DNAH7: variants seen among roughly 807,000 people sequenced by gnomAD.
DNAH7 encodes the protein dynein axonemal heavy chain 7, also known as axonemal beta dynein heavy chain 7.
DNAH7 carries 397 observed loss-of-function variants against 444.6 expected under a neutral mutation model. That is an observed-to-expected ratio of 0.89 (90% CI 0.82 to 0.97). The LOEUF (loss-of-function observed/expected upper bound fraction) is 0.97, where lower values mean the gene tolerates loss of function less well. Ranked by LOEUF, DNAH7 falls within the 50% of genes least tolerant of loss-of-function variation. The pLI is 0.00. For missense variants in DNAH7, 4,902 were observed against 4,800.8 expected (o/e 1.02, Z -0.62); for synonymous variants, 1,636 against 1,624.4 (o/e 1.01, Z -0.17).
chr2:196,068,511 G>A, intron 1 of DNAH7, 186 bp downstream of exon 1: 4 of 761,186 alleles, frequency 5.3e-6, no homozygotes, highest in Non-Finnish European at 8.1e-6. Flanking sequence ...AAACAGCTGG[G>A]AAGGGAACTT....
At chr2:195,920,564 C>A (rs1219306997) in intron 24 of DNAH7, among the ~76,000 whole-genome samples, 2 of 152,106 alleles carry the variant, frequency 1.3e-5, no homozygotes, top group Non-Finnish European at 1.5e-5. Context: ...ATATAAAAAT[C>A]AACTCAAGAT....
At chr2:196,015,418 A>G (rs1694957796) in intron 9 of DNAH7, among the ~76,000 whole-genome samples, 1 of 152,130 alleles carries the variant, frequency 6.6e-6, no homozygotes, top group Non-Finnish European at 1.5e-5. Flanking sequence ...TTTAAAAGCC[A>G]TTTCATCTTT....
intron 15 of DNAH7, among the ~76,000 whole-genome samples, chr2:195,979,961 C>A (rs1692453949): frequency 7.0e-6 from 1 of 142,418 alleles, no homozygotes; most frequent in African/African-American, 2.6e-5. Context: ...GATCAAGTAA[C>A]AAGATCAAAT....
At chr2:195,813,096 C>T (rs1357488165) in intron 51 of DNAH7, among the ~76,000 whole-genome samples, 2 of 152,188 alleles carry the variant, frequency 1.3e-5, no homozygotes, top group Non-Finnish European at 2.9e-5. Context: ...AAGACAGATA[C>T]ATATCGGCAC....
At chr2:195,992,598 G>T (rs1693419196) in intron 12 of DNAH7, among the ~76,000 whole-genome samples, 1 of 152,060 alleles carries the variant, frequency 6.6e-6, no homozygotes, top group Non-Finnish European at 1.5e-5. Context: ...CCTGCCACTG[G>T]GTCAGGCACA....
At chr2:195,870,941 A>C (rs1020805489) in intron 40 of DNAH7, among the ~76,000 whole-genome samples, 1 of 152,014 alleles carries the variant, frequency 6.6e-6, no homozygotes, top group Non-Finnish European at 1.5e-5. Context: ...CACTTCCCCC[A>C]CACTCTCCAG....
intron 5 of DNAH7, among the ~76,000 whole-genome samples, chr2:196,029,226 C>T (rs1190024949): frequency 6.6e-6 from 1 of 151,286 alleles, no homozygotes; most frequent in Non-Finnish European, 1.5e-5. Flanking sequence ...AGTCTGCCAC[C>T]ATAAAGCATA....
At chr2:195,959,422 T>G (rs59949600) in intron 18 of DNAH7, among the ~76,000 whole-genome samples, 1 of 152,186 alleles carries the variant, frequency 6.6e-6, no homozygotes, top group Admixed American at 6.6e-5. Flanking sequence ...GGAATCTAGA[T>G]GTACCACTTT....
At chr2:195,952,404 C>A (rs1367914984) in intron 19 of DNAH7, among the ~76,000 whole-genome samples, 1 of 152,020 alleles carries the variant, frequency 6.6e-6, no homozygotes, top group Non-Finnish European at 1.5e-5. Context: ...GACTATGTGT[C>A]TTGGGGTTGC....
intron 46 of DNAH7, among the ~76,000 whole-genome samples, chr2:195,848,702 A>G (rs1243407633): frequency 6.6e-6 from 1 of 152,160 alleles, no homozygotes; most frequent in Non-Finnish European, 1.5e-5. Flanking sequence ...ATATATGGTA[A>G]ATGGGATGGA....
At chr2:195,990,872 T>G (rs1693270491) in intron 12 of DNAH7, among the ~76,000 whole-genome samples, 1 of 140,520 alleles carries the variant, frequency 7.1e-6, no homozygotes, top group Admixed American at 7.3e-5. Flanking sequence ...CATATATACT[T>G]AAATATATAC....
intron 1 of DNAH7, among the ~76,000 whole-genome samples, chr2:196,064,192 G>A (rs893788796): frequency 1.1e-4 from 17 of 151,656 alleles, no homozygotes; most frequent in African/African-American, 3.9e-4. Context: ...GCGGGTGCCT[G>A]TAGTCCTAGC....
In DNAH7 at chr2:195,888,399, G is replaced by A. The variant is rs200813965; in HGVS notation, c.5265C>T (p.His1755=). 144 of 1,600,690 alleles carry A rather than the reference G, an allele frequency of 9.0e-5. No individual in the cohort carries two copies. The Admixed American group carries it at 2.6e-3, about 28-fold the overall frequency. ...SRCGMIYMEP[H]MLGWRPLMLS... is the part of the protein sequence containing the mutation. ...ACATCAGTGGTCTCCAGCCTAACAT[G>A]TGAGGCTCCATGTAAATCATGCCAC... is the stretch of plus-strand genomic sequence containing the variant. Residue 1755 remains histidine (H), a synonymous_variant, in exon 33 of 65, where the codon CAC becomes CAT. Transcript: ENST00000312428.
In DNAH7 at chr2:195,834,260, T is replaced by A; in HGVS notation, c.9046A>T (p.Ser3016Cys). 1 of 1,608,978 alleles carries A rather than the reference T, an allele frequency of 6.2e-7. No homozygotes were observed. The highest frequency in any genetic ancestry group is 8.5e-7 in the Non-Finnish European group (1 of 1,176,008). ...AGAGTCCTGACATAGTCAGGTTCACTAAGTTTAATCACATAAAGACTATTG... is the reference window on the plus strand; with the variant it reads ...AGAGTCCTGACATAGTCAGGTTCACAAAGTTTAATCACATAAAGACTATTG... Reference protein sequence around the residue: ...KANSLYVIKLSEPDYVRTLEN... With the variant: ...KANSLYVIKLCEPDYVRTLEN... Residue 3016 changes from serine to cysteine, a missense_variant, in exon 48 of 65, where the codon AGT becomes TGT. Ser to Cys is a moderately radical substitution (Grantham distance 112, BLOSUM62 -1). Transcript: ENST00000312428.
At chr2:196,005,308 AT>A (rs35422940) in intron 10 of DNAH7, among the ~76,000 whole-genome samples, 23 of 136,892 alleles carry the variant, frequency 1.7e-4, no homozygotes, top group African/African-American at 5.4e-4. Context: ...ACAAACAAAA[AT>A]ATATATATAT....
intron 10 of DNAH7, among the ~76,000 whole-genome samples, chr2:196,006,913 C>T (rs1429833196): frequency 6.6e-6 from 1 of 151,844 alleles, no homozygotes; most frequent in Non-Finnish European, 1.5e-5. Flanking sequence ...ATGTAATACA[C>T]ATATACTGAA....
At chr2:196,006,492 C>A (rs1394073040) in intron 10 of DNAH7, among the ~76,000 whole-genome samples, 1 of 151,340 alleles carries the variant, frequency 6.6e-6, no homozygotes, top group Non-Finnish European at 1.5e-5. Flanking sequence ...GATAAAAAAC[C>A]ATATCTGCTC....
Position 196,024,409 on chromosome 2 carries a change from A to T in DNAH7, c.743+20T>A. The T allele has an allele frequency of 6.6e-7, 1 of 1,526,124 alleles. No individual in the cohort carries two copies. Among genetic ancestry groups the T allele is most frequent in the Non-Finnish European group, 8.8e-7 (1 of 1,134,458 alleles). 94.5% of individuals were successfully genotyped at this position (1,526,124 alleles called of 1,614,324 possible). On this transcript the variant is annotated intron_variant, in intron 8 of 64. Coordinates refer to ENST00000312428, the MANE Select transcript of DNAH7 (RefSeq NM_018897.3). Reference sequence around the variant, plus strand: ...AAATGGTCACATAATCAACATTCTTAGAGAAATCTGATCACTTACTCAGCA... The same window carrying T: ...AAATGGTCACATAATCAACATTCTTTGAGAAATCTGATCACTTACTCAGCA...
At chr2:195,940,162 T>C (rs1344872889) in intron 19 of DNAH7, among the ~76,000 whole-genome samples, 1 of 152,164 alleles carries the variant, frequency 6.6e-6, no homozygotes, top group Non-Finnish European at 1.5e-5. Flanking sequence ...ATGGTACTGG[T>C]ACCAAAACAG....
Sources: allele counts gnomAD v4.1 joint callset (sites outside exome capture counted in the v4.1 genomes callset), GRCh38; gene constraint gnomAD v4.1.1; transcripts MANE v1.5; gene names NCBI Gene and HGNC (gene_info 2026-07-23, HGNC 2026-07-21).